The following SMIM14 variants were observed in gnomAD, a reference collection of about 807,000 sequenced individuals.
The protein encoded by SMIM14 is small integral membrane protein 14.
SMIM14 carries 5 observed loss-of-function variants against 12.6 expected under a neutral mutation model. That is an observed-to-expected ratio of 0.40 (90% confidence interval 0.21 to 0.83). The LOEUF is 0.83. SMIM14 is among the 40% of genes least tolerant of loss of function. SMIM14 has a pLI of 0.37. For synonymous variants in SMIM14, 30 were observed against 40.1 expected (o/e 0.75, Z 0.95); for missense variants, 86 against 119.1 (o/e 0.72, Z 1.29).
intron 2 of SMIM14, chr4:39,587,852 A>G (rs1011266920): frequency 1.3e-5 from 2 of 152,310 alleles, no homozygotes; most frequent in African/African-American, 4.8e-5. Flanking sequence ...TGTGACTGCT[A>G]CACCCAAGAA....
chr4:39,603,367 G>A (rs1253347705), intron 2 of SMIM14, among the ~76,000 whole-genome samples: 1 of 151,768 alleles, frequency 6.6e-6, no homozygotes, highest in Non-Finnish European at 1.5e-5. Context: ...GACCATCCTG[G>A]CTAACATGGT....
intron 1 of SMIM14, among the ~76,000 whole-genome samples, chr4:39,625,325 G>C (rs1192048454): frequency 2.6e-5 from 4 of 152,020 alleles, no homozygotes; most frequent in African/African-American, 9.7e-5. Context: ...CCTGGGAGAA[G>C]TTAAAGACAT....
chr4:39,596,857 C>T (rs796616891), intron 2 of SMIM14, among the ~76,000 whole-genome samples: 16 of 152,226 alleles, frequency 1.1e-4, no homozygotes, highest in African/African-American at 3.6e-4. Context: ...CTCATTGCAG[C>T]CTTGACTTCC....
chr4:39,619,754 T>TTA (rs537905855), intron 1 of SMIM14, among the ~76,000 whole-genome samples: 13 of 135,366 alleles, frequency 9.6e-5, no homozygotes, highest in Middle Eastern at 4.0e-3. Flanking sequence ...ATATAATTTA[T>TTA]TATATATATA....
chr4:39,625,831 A>T (rs1356875814), intron 1 of SMIM14, among the ~76,000 whole-genome samples: 1 of 152,246 alleles, frequency 6.6e-6, no homozygotes, highest in Non-Finnish European at 1.5e-5. Context: ...GCAGGCAAGA[A>T]AGGACAACAG....
chr4:39,606,184 A>G (rs1209975679), intron 1 of SMIM14, among the ~76,000 whole-genome samples: 1 of 152,016 alleles, frequency 6.6e-6, no homozygotes, highest in African/African-American at 2.4e-5. Context: ...CACCTCTACA[A>G]ATAATTTAAA....
intron 2 of SMIM14, chr4:39,594,066 T>C (rs965491460): frequency 6.6e-6 from 1 of 152,106 alleles, no homozygotes; most frequent in Non-Finnish European, 1.5e-5. Context: ...AAAGTTCATA[T>C]GGAACCAAAA....
intron 3 of SMIM14, among the ~76,000 whole-genome samples, chr4:39,571,254 C>T (rs1437059576): frequency 1.3e-5 from 2 of 152,056 alleles, no homozygotes; most frequent in African/African-American, 4.8e-5. Flanking sequence ...AAAGTTTCCA[C>T]ACATGGAAAA....
chr4:39,556,698 A>G (rs1712033422), intron 3 of SMIM14, 128 bp from the exon 4 acceptor site: 2 of 849,844 alleles, frequency 2.4e-6, no homozygotes, highest in African/African-American at 1.7e-5. Flanking sequence ...ACAAAAGTAC[A>G]TATTATATCT....
chr4:39,562,345 C>T (rs1712353084), intron 3 of SMIM14, among the ~76,000 whole-genome samples: 1 of 152,128 alleles, frequency 6.6e-6, no homozygotes, highest in South Asian at 2.1e-4. Flanking sequence ...CAACTGCACT[C>T]CAGCCAGGGT....
intron 2 of SMIM14, among the ~76,000 whole-genome samples, chr4:39,596,926 C>T (rs532419827): frequency 1.3e-5 from 2 of 152,106 alleles, no homozygotes; most frequent in African/African-American, 2.4e-5. Context: ...TAGGTATGTG[C>T]CAAGATGCCC....
At chr4:39,601,882 G>C (rs924474244) in intron 2 of SMIM14, among the ~76,000 whole-genome samples, 2 of 150,808 alleles carry the variant, frequency 1.3e-5, no homozygotes, top group African/African-American at 4.9e-5. Context: ...AGGAGTTCAA[G>C]GTTGCAATGA....
Position 39,605,092 on chromosome 4 carries a change from T to G in SMIM14, c.54A>C (p.Ala18=). Reference sequence around the variant, plus strand: ...TCACCAGATTGATCAGTCTTCTCATTGCATGTTCATGAGAGCAAACACATT... The same window carrying G: ...TCACCAGATTGATCAGTCTTCTCATGGCATGTTCATGAGAGCAAACACATT... ...PCECVCSHEH[A]MRRLINLLRQ... The change falls in exon 2 of 5, where the codon GCA becomes GCC. Residue 18 remains alanine, a synonymous_variant. Transcript: ENST00000295958. 6.2e-7 allele frequency: 1 copy of G among 1,608,086 alleles called. No homozygotes were observed. The highest frequency in any genetic ancestry group is 8.5e-7 in the Non-Finnish European group (1 of 1,176,586).
intron 1 of SMIM14, among the ~76,000 whole-genome samples, chr4:39,618,697 A>G (rs370771692): frequency 1.2e-4 from 18 of 151,942 alleles, no homozygotes; most frequent in African/African-American, 4.3e-4. Flanking sequence ...AGTGTAATGA[A>G]ACTCACTCAT....
chr4:39,630,536 G>A (rs949485409), intron 1 of SMIM14, among the ~76,000 whole-genome samples: 7 of 152,100 alleles, frequency 4.6e-5, no homozygotes, highest in Admixed American at 3.3e-4. Context: ...TAGTCATACT[G>A]GGAAAAATGC....
intron 3 of SMIM14, among the ~76,000 whole-genome samples, chr4:39,563,083 G>A (rs563905410): frequency 6.6e-6 from 1 of 151,144 alleles, no homozygotes; most frequent in Non-Finnish European, 1.5e-5. Context: ...TTTTTGAGAC[G>A]GAGTTTCACT....
chr4:39,574,588 C>T (rs1713072155), intron 2 of SMIM14, among the ~76,000 whole-genome samples: 1 of 152,136 alleles, frequency 6.6e-6, no homozygotes, highest in Non-Finnish European at 1.5e-5. Flanking sequence ...TAATTTAACA[C>T]CTCTAAGCTT....
chr4:39,598,799 A>G (rs1714479607), intron 2 of SMIM14, among the ~76,000 whole-genome samples: 1 of 152,070 alleles, frequency 6.6e-6, no homozygotes, highest in Admixed American at 6.6e-5. Flanking sequence ...TATTCTACCA[A>G]TTCATCTTTC....
intron 3 of SMIM14, among the ~76,000 whole-genome samples, chr4:39,559,557 T>C (rs1226380851): frequency 6.6e-6 from 1 of 152,104 alleles, no homozygotes. Context: ...CCAGATAAGA[T>C]GTTGAAACTA....
Sources: gnomAD v4.1 joint callset for allele counts (sites outside exome capture counted in the v4.1 genomes callset) on GRCh38, gnomAD v4.1.1 for gene constraint, MANE v1.5 for transcripts, NCBI Gene and HGNC (gene_info 2026-07-23, HGNC 2026-07-21) for gene names.